FOXRED2: variants seen among roughly 807,000 people sequenced by gnomAD.
FOXRED2 encodes the protein FAD-dependent oxidoreductase domain-containing protein 2.
In FOXRED2, 32 loss-of-function variants were observed where a neutral mutation model predicts 52.5. The observed-to-expected ratio is 0.61, with a 90% CI of 0.46 to 0.82. FOXRED2 has a LOEUF of 0.82. FOXRED2 is among the 40% of genes least tolerant of loss of function. The pLI, the probability that FOXRED2 is intolerant of heterozygous loss-of-function variation, is 0.00. For synonymous variants in FOXRED2, 405 were observed against 398.1 expected (o/e 1.02, Z -0.21); for missense variants, 848 against 937.5 (o/e 0.90, Z 1.25).
At position 36,489,803 on chromosome 22, in the gene FOXRED2, CCT is replaced by C. The variant is rs572310100; in HGVS notation, c.*203_*204del. On this transcript the variant is annotated 3_prime_UTR_variant, in exon 9 of 9. Transcript: ENST00000397224. ...CCTGGCAGAGGATGCCCTTCTGCCC[CCT>C]GACAGGAGGGAGGAGACCACCGCAT... 5.0e-4 allele frequency: 250 copies of C among 495,138 alleles called. No homozygotes were observed. In the South Asian group the frequency reaches 5.7e-3, roughly 11 times the overall value. 30.7% of individuals were successfully genotyped at this position (495,138 alleles called of 1,614,324 possible).
At chr22:36,498,784 C>T (rs1451147139) in intron 5 of FOXRED2, among the ~76,000 whole-genome samples, 1 of 151,944 alleles carries the variant, frequency 6.6e-6, no homozygotes, top group Non-Finnish European at 1.5e-5. Flanking sequence ...GATCTCGGCT[C>T]ACCGCGACCT....
At chr22:36,505,802 G>A (rs1424385393) in intron 2 of FOXRED2, 94 bp downstream of exon 2, 4 of 1,288,234 alleles carry the variant, frequency 3.1e-6, no homozygotes, top group African/African-American at 3.0e-5. Flanking sequence ...ACCCTTTTTC[G>A]TCCATTCCTC....
intron 7 of FOXRED2, among the ~76,000 whole-genome samples, chr22:36,495,094 G>A (rs1298401249): frequency 6.6e-6 from 1 of 152,138 alleles, no homozygotes; most frequent in Non-Finnish European, 1.5e-5. Flanking sequence ...GGGATTACAG[G>A]CATGTGCCAC....
At chr22:36,504,845 C>G in intron 2 of FOXRED2, 79 bp from the exon 3 acceptor site, 1 of 1,492,696 alleles carries the variant, frequency 6.7e-7, no homozygotes, top group Non-Finnish European at 9.1e-7. Context: ...CCTGGACCCA[C>G]CCACCCACCT....
At chr22:36,497,872 C>T in intron 6 of FOXRED2, 119 bp downstream of exon 6, 2 of 1,121,968 alleles carry the variant, frequency 1.8e-6, no homozygotes, top group South Asian at 1.5e-5. Flanking sequence ...ATGTTCCCCA[C>T]AGCAGCCTTC....
chr22:36,490,314 G>T, intron 8 of FOXRED2, 47 bp from the exon 9 acceptor site: 1 of 1,537,632 alleles, frequency 6.5e-7, no homozygotes, highest in African/African-American at 1.4e-5. Flanking sequence ...GGGACATGTG[G>T]GGAGGGGTGC....
At chr22:36,500,661 G>A (rs965946523) in intron 5 of FOXRED2, among the ~76,000 whole-genome samples, 52 of 146,192 alleles carry the variant, frequency 3.6e-4, no homozygotes, top group Middle Eastern at 3.7e-3. Context: ...TCAGCTCACC[G>A]CAACCTCCAC....
At position 36,504,192 on chromosome 22, in the gene FOXRED2, G is replaced by A; in HGVS notation, c.955C>T (p.Pro319Ser). The A allele has an allele frequency of 1.2e-6, 2 of 1,614,242 alleles. No homozygotes were observed. The highest frequency in any genetic ancestry group is 2.2e-5 in the East Asian group (1 of 44,888). The change falls in exon 4 of 9, where the codon CCC (proline) becomes TCC (serine). Residue 319 changes from proline to serine, a missense_variant. Physicochemically the swap from Pro to Ser is moderately conservative, Grantham distance 74 (BLOSUM62 -1). Transcript: ENST00000397224. ...GCAAAGTTGTCATTGTCGTCCTGGG[G>A]GAGGGTGATGGAGTCGGCACTCTGG... ...TNQSADSITL[P>S]QDDNDNFAMR...
At position 36,496,389 on chromosome 22, in the gene FOXRED2, G is replaced by C. The variant is rs115673652; in HGVS notation, c.1383-181C>G. On this transcript the variant is annotated intron_variant, in intron 6 of 8. Coordinates refer to ENST00000397224, the MANE Select transcript of FOXRED2 (RefSeq NM_001102371.2). ...AGCTCTCACGCACATGTGGGGTAGA[G>C]ACCAGAAAATTCCATGTAACCTGAA... Among the ~76,000 whole-genome samples the C allele has an allele frequency of 3.2e-3, 494 of 152,332 alleles. 3 individuals carry two copies. The highest frequency in any genetic ancestry group is 0.011 in the African/African-American group (474 of 41,578).
Position 36,505,147 on chromosome 22 carries a change from C to T in FOXRED2, c.528-381G>A, listed in dbSNP as rs368107038. ...AACCTGACATTCTACTTTCCCCTTTCTGAGTCCTCTGACAGATACATCTAT... is the reference window on the plus strand; with the variant it reads ...AACCTGACATTCTACTTTCCCCTTTTTGAGTCCTCTGACAGATACATCTAT... On this transcript the variant is annotated intron_variant, in intron 2 of 8. Transcript: ENST00000397224. Among the ~76,000 whole-genome samples, 8 of 152,332 alleles carry T rather than the reference C, an allele frequency of 5.3e-5. No individual in the cohort carries two copies. In the East Asian group the frequency reaches 1.2e-3, roughly 22 times the overall value.
rs1477095136 is a variant in FOXRED2, at chr22:36,493,744, G to A, written c.1684C>T (p.His562Tyr). The change falls in exon 8 of 9, where the codon CAC becomes TAC. Residue 562 changes from histidine (H) to tyrosine (Y), a missense_variant. Coordinates refer to ENST00000397224, the MANE Select transcript of FOXRED2 (RefSeq NM_001102371.2). ...TCTGTTAAGAAGTCTTCCACGATGT[G>A]ATGGATGGCCGTGGGCCGAGGCAGG... is the stretch of plus-strand genomic sequence containing the variant. Reference protein sequence around the residue: ...WPLPRPTAIHHIVEDFLTDWT... With the variant: ...WPLPRPTAIHYIVEDFLTDWT... 2 of 1,614,104 alleles carry A rather than the reference G, an allele frequency of 1.2e-6. No individual in the cohort carries two copies.
At position 36,501,223 on chromosome 22, in the gene FOXRED2, C is replaced by G. The variant is rs756521468; in HGVS notation, c.1216+18G>C. ...TGGTTCCGTCTGGGGACAGTTCTGC[C>G]TTCTCAGCTGGGCTCACCTGTGTAT... is the stretch of plus-strand genomic sequence containing the variant. On this transcript the variant is annotated intron_variant, in intron 5 of 8. Coordinates refer to ENST00000397224, the MANE Select transcript of FOXRED2 (RefSeq NM_001102371.2). The G allele has an allele frequency of 8.7e-6, 14 of 1,612,950 alleles. No homozygotes were observed. The highest frequency in any genetic ancestry group is 4.4e-5 in the South Asian group (4 of 91,056).
Position 36,493,635 on chromosome 22 carries a change from G to C in FOXRED2, c.1793C>G (p.Ala598Gly). ...GTCTTTCTGGGAGCTTAAGTTACCT[G>C]CATAGAAGCTTCGCAAATCGGTGTC... ...CLDTDLRSFY[A>G]ESCFLFALTR... Residue 598 changes from alanine to glycine, a missense_variant and splice_region_variant, in exon 8 of 9, where the codon GCA becomes GGA. Transcript: ENST00000397224. 1 of 1,613,872 alleles carries C rather than the reference G, an allele frequency of 6.2e-7. No individual in the cohort carries two copies.
intron 8 of FOXRED2, 116 bp from the exon 9 acceptor site, chr22:36,490,383 C>G: frequency 8.3e-7 from 1 of 1,209,984 alleles, no homozygotes; most frequent in Non-Finnish European, 1.1e-6. Context: ...TGCCTGGTAT[C>G]TTCCATCCCT....
Position 36,487,592 on chromosome 22 carries a change from A to AT in FOXRED2, c.*2415dup, listed in dbSNP as rs1933639365. 1 of 152,234 alleles carries AT rather than the reference A, an allele frequency of 6.6e-6. No individual in the cohort carries two copies. Among genetic ancestry groups the AT allele is most frequent in the African/African-American group, 2.4e-5 (1 of 41,454 alleles). The allele number at this position is 152,234 out of a possible 1,614,324, so 9.4% of individuals were successfully genotyped here. On this transcript the variant is annotated 3_prime_UTR_variant, in exon 9 of 9. Coordinates refer to ENST00000397224, the MANE Select transcript of FOXRED2 (RefSeq NM_001102371.2). ...AAGAACAGGTGAGCTGAACATACTGATACATTGGTTCTTTGGAGAGGATCT... is the reference window on the plus strand; with the variant it reads ...AAGAACAGGTGAGCTGAACATACTGATTACATTGGTTCTTTGGAGAGGATCT...
chr22:36,504,057 G>A (rs1399854930), intron 4 of FOXRED2, 41 bp downstream of exon 4: 3 of 1,594,538 alleles, frequency 1.9e-6, no homozygotes, highest in Non-Finnish European at 2.6e-6. Flanking sequence ...GGGTCAGGAG[G>A]GTTTGCTAGG....
rs957702707 is a variant in FOXRED2 at position 36,493,658 on chromosome 22, G to A, written c.1770C>T (p.Asp590=). The A allele has an allele frequency of 6.2e-7, 1 of 1,614,172 alleles. No individual in the cohort carries two copies. The highest frequency in any genetic ancestry group is 1.7e-5 in the Admixed American group (1 of 60,016). The part of the protein sequence containing the change: ...PLRRFLENCL[D]TDLRSFYAES... ...CTGCATAGAAGCTTCGCAAATCGGTGTCCAAACAGTTCTCCAGGAAGCGCC... is the reference window on the plus strand; with the variant it reads ...CTGCATAGAAGCTTCGCAAATCGGTATCCAAACAGTTCTCCAGGAAGCGCC... Residue 590 remains aspartate (D), a synonymous_variant, in exon 8 of 9, where the codon GAC becomes GAT. Coordinates refer to ENST00000397224, the MANE Select transcript of FOXRED2 (RefSeq NM_001102371.2).
At chr22:36,501,817 G>A (rs374294292) in intron 4 of FOXRED2, among the ~76,000 whole-genome samples, 34 of 152,088 alleles carry the variant, frequency 2.2e-4, no homozygotes, top group East Asian at 9.7e-4. Context: ...TAGATTTCTC[G>A]TCTCATTTAA....
rs1934177616 is a variant in FOXRED2 at position 36,505,898 on chromosome 22, G to A, written c.525C>T (p.Cys175=). The change falls in exon 2 of 9, where the codon TGC becomes TGT. Residue 175 remains cysteine, a splice_region_variant and synonymous_variant. Transcript: ENST00000397224. The stretch of plus-strand genomic sequence containing the variant: ...GTGAGCTCTGGCACCGGCCTTACCT[G>A]CACTGATGCACCTGGCCCTTCTGGT... ...LTDQKGQVHQ[C]SVLFVATGLS... is the part of the protein sequence containing the mutation. 6.2e-7 allele frequency: 1 copy of A among 1,611,384 alleles called. No homozygotes were observed. Among genetic ancestry groups the A allele is most frequent in the African/African-American group, 1.3e-5 (1 of 74,864 alleles).
Sources: gnomAD v4.1 joint callset for allele counts (sites outside exome capture counted in the v4.1 genomes callset) on GRCh38, gnomAD v4.1.1 for gene constraint, MANE v1.5 for transcripts, NCBI Gene and HGNC (gene_info 2026-07-23, HGNC 2026-07-21) for gene names.